L3MBTL2: variants seen among roughly 807,000 people sequenced by gnomAD.
L3MBTL2 encodes the protein lethal(3)malignant brain tumor-like protein 2.
Under a neutral mutation model 86.4 loss-of-function variants are expected in L3MBTL2, and 49 were observed. The observed-to-expected ratio is 0.57, with a 90% confidence interval of 0.45 to 0.72. L3MBTL2 has a LOEUF of 0.72. Among genes scored for constraint, L3MBTL2 ranks in the 30% least tolerant of loss-of-function variants. The probability of loss-of-function intolerance (pLI) is 0.00; values close to 1 mark genes in which losing one functional copy is unlikely to be tolerated. For missense variants in L3MBTL2, 755 were observed against 923.7 expected (o/e 0.82, Z 2.37); for synonymous variants, 336 against 350.6 (o/e 0.96, Z 0.47).
intron 8 of L3MBTL2, 170 bp downstream of exon 8, chr22:41,221,457 G>A: frequency 1.6e-6 from 1 of 628,766 alleles, no homozygotes; most frequent in Admixed American, 2.5e-5. Context: ...GTTGCCATCT[G>A]CCTTTCTAGC....
chr22:41,230,423 G>T lies in L3MBTL2; in HGVS notation c.*172G>T, dbSNP rs1416897473. 3.3e-6 allele frequency: 2 copies of T among 602,310 alleles called. No individual in the cohort carries two copies. Among genetic ancestry groups the T allele is most frequent in the Non-Finnish European group, 5.9e-6 (2 of 340,022 alleles). The allele number at this position is 602,310 out of a possible 1,614,324, so 37.3% of individuals were successfully genotyped here. ...GACCTGCTGGGGTCTCCTGGGACCC[G>T]CCTGTTGCTTCTGCCCTCCCCTGTG... On this transcript the variant is annotated 3_prime_UTR_variant, in exon 17 of 17. Transcript: ENST00000216237.
chr22:41,213,663 A>G, intron 2 of L3MBTL2: 4 of 397,884 alleles, frequency 1.0e-5, no homozygotes, highest in Non-Finnish European at 9.1e-6. Flanking sequence ...GATTTCCATT[A>G]GCCCCTCTGT....
In L3MBTL2 at chr22:41,220,774, C is replaced by T. The variant is rs35244576; in HGVS notation, c.759C>T (p.Asp253=). 4,441 of 1,613,794 alleles carry T rather than the reference C, an allele frequency of 2.8e-3. 109 individuals are homozygous for T. In the African/African-American group the frequency reaches 0.053, roughly 19 times the overall value. Residue 253 remains aspartate, a synonymous_variant, in exon 7 of 17, where the codon GAC becomes GAT. Transcript: ENST00000216237. ...TTCGGTATGAAGGCTTTGAAAATGACGCCAGCCATGACTTCTGGTGCAACC... is the reference window on the plus strand; with the variant it reads ...TTCGGTATGAAGGCTTTGAAAATGATGCCAGCCATGACTTCTGGTGCAACC... ...VLLRYEGFEN[D]ASHDFWCNLG...
intron 15 of L3MBTL2, among the ~76,000 whole-genome samples, chr22:41,228,714 G>A (rs2032364348): frequency 6.6e-6 from 1 of 152,156 alleles, no homozygotes; most frequent in African/African-American, 2.4e-5. Context: ...GCCAGGTGTG[G>A]TGGCAGGCGC....
chr22:41,221,896 C>T (rs928617125), intron 8 of L3MBTL2, among the ~76,000 whole-genome samples: 5 of 147,588 alleles, frequency 3.4e-5, no homozygotes, highest in African/African-American at 1.3e-4. Flanking sequence ...AGCCACCGCG[C>T]CCAGCCTTTT....
At chr22:41,209,015 A>T (rs2030486168) in intron 1 of L3MBTL2, 1 of 152,316 alleles carries the variant, frequency 6.6e-6, no homozygotes, top group Non-Finnish European at 1.5e-5. Context: ...TGCTGGGATT[A>T]CAGGTGTGGG....
intron 1 of L3MBTL2, among the ~76,000 whole-genome samples, chr22:41,206,996 A>T (rs2030274521): frequency 6.6e-6 from 1 of 152,130 alleles, no homozygotes; most frequent in African/African-American, 2.4e-5. Context: ...TCTTATCTCA[A>T]TCTTCGTAAG....
chr22:41,230,499 C>A lies in L3MBTL2; in HGVS notation c.*248C>A. 2.1e-6 allele frequency: 1 copy of A among 484,440 alleles called. No homozygotes were observed. 30.0% of individuals were successfully genotyped at this position (484,440 alleles called of 1,614,324 possible). ...GAGGCCCCAGAACTCGTCTGTGAACCACCTTTTCCAGCCAGAGTTCCCAAA... is the reference window on the plus strand; with the variant it reads ...GAGGCCCCAGAACTCGTCTGTGAACAACCTTTTCCAGCCAGAGTTCCCAAA... On this transcript the variant is annotated 3_prime_UTR_variant, in exon 17 of 17. Transcript: ENST00000216237.
At chr22:41,211,557 C>CTTTTTTTTTTTTTTT (rs71200672) in intron 2 of L3MBTL2, among the ~76,000 whole-genome samples, 4 of 97,352 alleles carry the variant, frequency 4.1e-5, no homozygotes, top group African/African-American at 1.3e-4. Context: ...ATCTTATTTC[C>CTTTTTTTTTTTTTTT]TTTTTTTTTT....
rs759435171 is a variant in L3MBTL2, at chr22:41,217,180, C to T, written c.578C>T (p.Ala193Val). The change falls in exon 5 of 17, where the codon GCT (alanine) becomes GTT (valine). Residue 193 changes from alanine (A) to valine (V), a missense_variant. Physicochemically the swap from Ala to Val is moderately conservative, Grantham distance 64. Transcript: ENST00000216237. ...CTGAAGGATCACAGTTACAAGGCTG[C>T]TCCCGTCAGCTGTTTCAAGCACGTG... ...KFLKDHSYKA[A>V]PVSCFKHVPL... 2 of 1,613,606 alleles carry T rather than the reference C, an allele frequency of 1.2e-6. No individual in the cohort carries two copies. Among genetic ancestry groups the T allele is most frequent in the African/African-American group, 1.3e-5 (1 of 74,922 alleles).
intron 3 of L3MBTL2, 133 bp downstream of exon 3, chr22:41,214,159 C>G: frequency 1.1e-6 from 1 of 880,646 alleles, no homozygotes; most frequent in Non-Finnish European, 1.8e-6. Context: ...ATTATGTTCT[C>G]AAACTTCAGA....
chr22:41,216,097 C>G (rs2031336363), intron 3 of L3MBTL2, 42 bp from the exon 4 acceptor site: 6 of 1,575,594 alleles, frequency 3.8e-6, no homozygotes, highest in Non-Finnish European at 4.3e-6. Context: ...GACTCATGAT[C>G]CCAGCCGCCA....
At chr22:41,214,206 T>C (rs1320453480) in intron 3 of L3MBTL2, 180 bp downstream of exon 3, 8 of 604,958 alleles carry the variant, frequency 1.3e-5, no homozygotes, top group Non-Finnish European at 2.3e-5. Flanking sequence ...TTTTAAATTA[T>C]AGGTTCCTGA....
chr22:41,215,752 G>A (rs907290158), intron 3 of L3MBTL2, among the ~76,000 whole-genome samples: 10 of 114,732 alleles, frequency 8.7e-5, no homozygotes, highest in Admixed American at 8.5e-5. Context: ...AAACATTCGC[G>A]TATGTACAGA....
At chr22:41,223,567 G>A (rs772507604) in intron 8 of L3MBTL2, among the ~76,000 whole-genome samples, 58 of 152,318 alleles carry the variant, frequency 3.8e-4, no homozygotes, top group Non-Finnish European at 6.0e-4. Context: ...AGGGCTGGGA[G>A]GGGGCGGGGA....
chr22:41,214,256 G>A, intron 3 of L3MBTL2: 2 of 455,000 alleles, frequency 4.4e-6, no homozygotes, highest in Non-Finnish European at 8.0e-6. Context: ...CCAGAGTCTG[G>A]TGTATTCAGT....
At chr22:41,229,240 G>A (rs2032410696) in intron 15 of L3MBTL2, among the ~76,000 whole-genome samples, 3 of 152,200 alleles carry the variant, frequency 2.0e-5, no homozygotes, top group African/African-American at 2.4e-5. Context: ...CTGGGTGACA[G>A]AGTGAGACCC....
At chr22:41,222,876 G>A (rs5758266) in intron 8 of L3MBTL2, among the ~76,000 whole-genome samples, 1 of 151,910 alleles carries the variant, frequency 6.6e-6, no homozygotes, top group Admixed American at 6.6e-5. Context: ...AGCTGAGATC[G>A]TGCCACTGCA....
chr22:41,214,689 G>T (rs2031191427), intron 3 of L3MBTL2: 1 of 152,184 alleles, frequency 6.6e-6, no homozygotes, highest in African/African-American at 2.4e-5. Context: ...AAATTTGCCT[G>T]CATGTTGGGA....
Sources: gnomAD v4.1 joint callset for allele counts (sites outside exome capture counted in the v4.1 genomes callset) on GRCh38, gnomAD v4.1.1 for gene constraint, MANE v1.5 for transcripts, NCBI Gene and HGNC (gene_info 2026-07-23, HGNC 2026-07-21) for gene names.